The following CDH13 variants were observed in gnomAD, a reference collection of about 807,000 sequenced individuals.
The protein encoded by CDH13 is cadherin-13.
CDH13 carries 24 observed loss-of-function variants against 63.8 expected under a neutral mutation model. The ratio of observed to expected loss-of-function variants is 0.38; its 90% CI spans 0.27 to 0.53. The LOEUF (loss-of-function observed/expected upper bound fraction) is 0.53, where lower values mean the gene tolerates loss of function less well. Ranked by LOEUF, CDH13 falls within the 20% of genes least tolerant of loss-of-function variation. CDH13 has a pLI of 0.85. For missense variants in CDH13, 1,049 were observed against 903.1 expected (o/e 1.16, Z -2.07); for synonymous variants, 503 against 355.3 (o/e 1.42, Z -4.67).
chr16:83,184,145 G>GA (rs2038438903), intron 4 of CDH13, among the ~76,000 whole-genome samples: 1 of 103,714 alleles, frequency 9.6e-6, no homozygotes. Flanking sequence ...CACACAACTA[G>GA]TAAAAAAAAA....
intron 7 of CDH13, among the ~76,000 whole-genome samples, chr16:83,600,154 TG>T: frequency 6.6e-6 from 1 of 152,268 alleles, no homozygotes; most frequent in Middle Eastern, 3.4e-3. Context: ...CCAGGGCAGA[TG>T]GCATCTCAAG....
chr16:83,188,724 T>C (rs1264076796), intron 4 of CDH13, among the ~76,000 whole-genome samples: 5 of 152,256 alleles, frequency 3.3e-5, no homozygotes, highest in Non-Finnish European at 7.3e-5. Flanking sequence ...ATTTTGTGTA[T>C]TTAAAAAGAC....
chr16:82,645,873 C>G (rs12931356), intron 1 of CDH13, among the ~76,000 whole-genome samples: 9 of 152,046 alleles, frequency 5.9e-5, no homozygotes, highest in African/African-American at 1.7e-4. Flanking sequence ...CTAAGGTATT[C>G]GTAAGGAATT....
At chr16:82,966,608 A>G (rs72790189) in intron 2 of CDH13, among the ~76,000 whole-genome samples, 1 of 152,084 alleles carries the variant, frequency 6.6e-6, no homozygotes, top group Non-Finnish European at 1.5e-5. Flanking sequence ...ATACACAGGG[A>G]TTTTATTTTT....
chr16:83,626,449 C>T (rs1299196561), intron 8 of CDH13, among the ~76,000 whole-genome samples: 3 of 152,108 alleles, frequency 2.0e-5, no homozygotes, highest in Admixed American at 6.6e-5. Flanking sequence ...TAATGAAGCA[C>T]GTGCTATGAG....
At chr16:83,733,282 T>C (rs1168292689) in intron 10 of CDH13, among the ~76,000 whole-genome samples, 1 of 152,218 alleles carries the variant, frequency 6.6e-6, no homozygotes, top group Non-Finnish European at 1.5e-5. Context: ...CTCCGGATGA[T>C]GATCCGTGAG....
chr16:83,086,344 G>A (rs1232900635), intron 3 of CDH13, among the ~76,000 whole-genome samples: 1 of 152,224 alleles, frequency 6.6e-6, no homozygotes, highest in Non-Finnish European at 1.5e-5. Flanking sequence ...TTTATAAGCT[G>A]TGTGTTTTTG....
At chr16:83,413,143 T>C (rs1367644521) in intron 6 of CDH13, among the ~76,000 whole-genome samples, 2 of 152,218 alleles carry the variant, frequency 1.3e-5, no homozygotes, top group African/African-American at 4.8e-5. Flanking sequence ...TTTAGTATAA[T>C]GTTATTGTAA....
intron 2 of CDH13, among the ~76,000 whole-genome samples, chr16:82,931,075 C>T (rs1207872307): frequency 3.3e-5 from 5 of 152,162 alleles, no homozygotes; most frequent in African/African-American, 9.6e-5. Flanking sequence ...TATCTTCTTT[C>T]AAAAGATCCC....
chr16:83,315,345 A>T lies in CDH13; in HGVS notation c.637-29517A>T, dbSNP rs77773938. On this transcript the variant is annotated intron_variant, in intron 5 of 13. Transcript: ENST00000567109. ...GTTAATTCCACTAAACTCTGATGTCATATCTAGCTTGTACAGGAGGCAAAC... is the reference window on the plus strand; with the variant it reads ...GTTAATTCCACTAAACTCTGATGTCTTATCTAGCTTGTACAGGAGGCAAAC... Among the ~76,000 whole-genome samples, 35 of 152,336 alleles carry T rather than the reference A, an allele frequency of 2.3e-4. No homozygotes were observed. In the East Asian group the frequency reaches 6.2e-3, roughly 27 times the overall value.
intron 13 of CDH13, among the ~76,000 whole-genome samples, chr16:83,787,452 C>T (rs555829164): frequency 1.2e-4 from 19 of 152,328 alleles, no homozygotes; most frequent in African/African-American, 4.6e-4. Context: ...TCCATTTACT[C>T]CTCCTGCTGG....
intron 2 of CDH13, among the ~76,000 whole-genome samples, chr16:82,903,716 G>A (rs556735141): frequency 4.6e-5 from 7 of 152,284 alleles, no homozygotes; most frequent in Admixed American, 2.6e-4. Flanking sequence ...TAGGAAAAGG[G>A]AACATATATG....
intron 7 of CDH13, among the ~76,000 whole-genome samples, chr16:83,524,471 G>T (rs1267370212): frequency 8.3e-5 from 6 of 72,062 alleles, no homozygotes; most frequent in African/African-American, 2.7e-4. Flanking sequence ...TTTTTTTTTT[G>T]AGATGAAGTC....
intron 5 of CDH13, among the ~76,000 whole-genome samples, chr16:83,233,869 G>A (rs762033169): frequency 6.6e-6 from 1 of 152,118 alleles, no homozygotes; most frequent in Non-Finnish European, 1.5e-5. Flanking sequence ...TCTGGGGGCC[G>A]CTATTCTACC....
intron 5 of CDH13, among the ~76,000 whole-genome samples, chr16:83,334,378 C>CACAA (rs2090546810): frequency 6.6e-6 from 1 of 150,514 alleles, no homozygotes; most frequent in Admixed American, 6.6e-5. Context: ...CACACACACA[C>CACAA]ACACACACAC....
chr16:83,291,464 A>G (rs909535734), intron 5 of CDH13, among the ~76,000 whole-genome samples: 1 of 152,166 alleles, frequency 6.6e-6, no homozygotes, highest in African/African-American at 2.4e-5. Flanking sequence ...TGATAGTGCA[A>G]AATTGGGACA....
At chr16:83,217,645 G>C (rs915738675) in intron 5 of CDH13, 148 bp downstream of exon 5, 1 of 762,078 alleles carries the variant, frequency 1.3e-6, no homozygotes, top group African/African-American at 1.8e-5. Flanking sequence ...GAAGTGGATG[G>C]AATTGAACCC....
chr16:83,653,720 G>T (rs1912604840), intron 8 of CDH13, among the ~76,000 whole-genome samples: 1 of 152,116 alleles, frequency 6.6e-6, no homozygotes, highest in Non-Finnish European at 1.5e-5. Flanking sequence ...CTCTTACCCT[G>T]CTTTATTTTT....
intron 6 of CDH13, among the ~76,000 whole-genome samples, chr16:83,449,652 C>A (rs567912168): frequency 6.6e-6 from 1 of 152,248 alleles, no homozygotes; most frequent in South Asian, 2.1e-4. Context: ...CCTCATAACA[C>A]CATGGGATGA....
Sources: gnomAD v4.1 joint callset for allele counts (sites outside exome capture counted in the v4.1 genomes callset) on GRCh38, gnomAD v4.1.1 for gene constraint, MANE v1.5 for transcripts, NCBI Gene and HGNC (gene_info 2026-07-23, HGNC 2026-07-21) for gene names.